BCO1: variants seen among roughly 807,000 people sequenced by gnomAD.
BCO1 encodes the protein beta-carotene oxygenase 1.
A neutral mutation model predicts 56.3 loss-of-function variants in BCO1; 54 were observed. The ratio of observed to expected loss-of-function variants is 0.96; its 90% CI spans 0.77 to 1.20. The LOEUF is 1.20. BCO1 is among the 50% of genes most tolerant of loss of function. BCO1 has a pLI of 0.00. For synonymous variants in BCO1, 318 were observed against 266.1 expected, an observed-to-expected ratio of 1.20 and a Z score of -1.90; for missense variants, 801 against 690.9, an observed-to-expected ratio of 1.16 and a Z score of -1.79.
intron 7 of BCO1, among the ~76,000 whole-genome samples, chr16:81,275,879 C>T (rs60722896): frequency 0.028 from 4,168 of 149,186 alleles, 181 homozygotes; most frequent in East Asian, 0.19. Flanking sequence ...TTACGCAGGG[C>T]GGTGTGGGGG....
chr16:81,273,570 G>A (rs1907370206), intron 7 of BCO1, among the ~76,000 whole-genome samples: 1 of 151,962 alleles, frequency 6.6e-6, no homozygotes, highest in African/African-American at 2.4e-5. Flanking sequence ...TCCCACCCAT[G>A]GCCATTTGTG....
rs185903841 is a variant in BCO1 at position 81,282,535 on chromosome 16, A to C, written c.1207+1573A>C. Among the ~76,000 whole-genome samples the C allele has an allele frequency of 3.1e-3, 467 of 152,272 alleles. 4 individuals carry two copies. Among genetic ancestry groups the C allele is most frequent in the Middle Eastern group, 6.8e-3 (2 of 294 alleles). On this transcript the variant is annotated intron_variant, in intron 8 of 10. Transcript: ENST00000258168. The stretch of plus-strand genomic sequence containing the variant: ...ATTTGACCTAAGAATCCACTTCTGT[A>C]AAAGGCATCCCATGCATCCCATAAC...
chr16:81,239,475 G>T (rs761208264), intron 1 of BCO1, among the ~76,000 whole-genome samples: 1 of 152,114 alleles, frequency 6.6e-6, no homozygotes, highest in Non-Finnish European at 1.5e-5. Flanking sequence ...GTTTGCAAAG[G>T]GAGGAGAGTC....
chr16:81,258,112 TC>T (rs1313837827), intron 2 of BCO1, among the ~76,000 whole-genome samples: 1 of 151,968 alleles, frequency 6.6e-6, no homozygotes, highest in African/African-American at 2.4e-5. Context: ...GGAACAGACC[TC>T]CCCTGGAGCC....
chr16:81,250,550 G>A (rs1476262623), intron 2 of BCO1, among the ~76,000 whole-genome samples: 1 of 150,600 alleles, frequency 6.6e-6, no homozygotes, highest in African/African-American at 2.5e-5. Flanking sequence ...CTCAAAAAGT[G>A]GTTTGTGTGC....
chr16:81,263,008 C>G (rs182551479), intron 4 of BCO1: 34 of 152,954 alleles, frequency 2.2e-4, no homozygotes, highest in African/African-American at 7.9e-4. Flanking sequence ...CGGTTGCCGG[C>G]AACCCCTGGT....
intron 7 of BCO1, among the ~76,000 whole-genome samples, chr16:81,270,686 C>CTG (rs762227797): frequency 1.7e-4 from 5 of 29,566 alleles, no homozygotes; most frequent in Admixed American, 1.1e-3. Context: ...GTCTCTCTCT[C>CTG]TGTGTCTGTG....
Position 81,267,581 on chromosome 16 carries a change from C to G in BCO1, c.620-327C>G, listed in dbSNP as rs868441573. 1.3e-4 allele frequency among the ~76,000 whole-genome samples: 20 copies of G among 152,286 alleles called. 1 individual carries two copies. The Middle Eastern group carries it at 0.014, about 104-fold the overall frequency. On this transcript the variant is annotated intron_variant, in intron 5 of 10. Coordinates refer to ENST00000258168, the MANE Select transcript of BCO1 (RefSeq NM_017429.3). ...TGGGCTGAGATCGTGCCCCTACATT[C>G]CAGTCTGGGCAGCAGAGGGAGACTC...
In BCO1 at chr16:81,270,416, G is replaced by A. The variant is rs1907122068; in HGVS notation, c.1101G>A (p.Lys367=). ...TTGCCGTGCCCCTCCACGTGGACAA[G>A]GTAATGGCTTCCAAGGAGGTCCCTT... ...RRFAVPLHVD[K]NAEVGTNLIK... is the part of the protein sequence containing the mutation. Residue 367 remains lysine, a splice_region_variant and synonymous_variant, in exon 7 of 11, where the codon AAG becomes AAA. Coordinates refer to ENST00000258168, the MANE Select transcript of BCO1 (RefSeq NM_017429.3). The A allele has an allele frequency of 6.2e-7, 1 of 1,614,040 alleles. No homozygotes were observed. Among genetic ancestry groups the A allele is most frequent in the Non-Finnish European group, 8.5e-7 (1 of 1,180,008 alleles).
At chr16:81,271,972 C>G (rs1189078277) in intron 7 of BCO1, among the ~76,000 whole-genome samples, 1 of 152,110 alleles carries the variant, frequency 6.6e-6, no homozygotes, top group Non-Finnish European at 1.5e-5. Flanking sequence ...GTCTTGAACT[C>G]CTGAACTCAG....
In BCO1 at chr16:81,270,190, G is replaced by A. The variant is rs1271451898; in HGVS notation, c.875G>A (p.Arg292Lys). 1.9e-6 allele frequency: 3 copies of A among 1,614,034 alleles called. No individual in the cohort carries two copies. Among genetic ancestry groups the A allele is most frequent in the African/African-American group, 2.7e-5 (2 of 74,908 alleles). ...ATCCACATCATCGACCAAAGGACCAGGCAGCCTGTGCAGACCAAGTTTTAC... is the reference window on the plus strand; with the variant it reads ...ATCCACATCATCGACCAAAGGACCAAGCAGCCTGTGCAGACCAAGTTTTAC... ...TYIHIIDQRT[R>K]QPVQTKFYTD... The change falls in exon 7 of 11, where the codon AGG (arginine) becomes AAG (lysine). Residue 292 changes from arginine to lysine, a missense_variant. By Grantham distance (26) the Arg-to-Lys change is conservative. Coordinates refer to ENST00000258168, the MANE Select transcript of BCO1 (RefSeq NM_017429.3).
chr16:81,270,123 G>A (rs752605410), intron 6 of BCO1, 36 bp from the exon 7 acceptor site: 14 of 1,613,422 alleles, frequency 8.7e-6, no homozygotes, highest in Admixed American at 1.7e-5. Flanking sequence ...GGCTGAGAGA[G>A]GGTGAGCTGA....
At chr16:81,253,886 C>T (rs1489676095) in intron 2 of BCO1, among the ~76,000 whole-genome samples, 1 of 152,078 alleles carries the variant, frequency 6.6e-6, no homozygotes, top group Non-Finnish European at 1.5e-5. Flanking sequence ...TCACTCGAGC[C>T]TGGGAGATTG....
chr16:81,290,509 A>G lies in BCO1; in HGVS notation c.1576A>G (p.Lys526Glu), dbSNP rs755252628. ...LFITDMDWDTKKQAASEEQRD... is the reference protein window; with the variant it reads ...LFITDMDWDTEKQAASEEQRD... ...CATTACAGACATGGACTGGGACACA[A>G]AAAAGCAGGCCGCTTCTGAGGAACA... Residue 526 changes from lysine (K) to glutamate (E), a missense_variant, in exon 11 of 11, where the codon AAA (lysine) becomes GAA (glutamate). Physicochemically the swap from Lys to Glu is moderately conservative, Grantham distance 56. Transcript: ENST00000258168. 19 of 1,614,076 alleles carry G rather than the reference A, an allele frequency of 1.2e-5. No individual in the cohort carries two copies. Among genetic ancestry groups the G allele is most frequent in the Admixed American group, 8.3e-5 (5 of 60,000 alleles).
chr16:81,284,308 A>G (rs1409654003), intron 8 of BCO1, among the ~76,000 whole-genome samples: 1 of 147,658 alleles, frequency 6.8e-6, no homozygotes, highest in Non-Finnish European at 1.5e-5. Flanking sequence ...ATACACACAC[A>G]TTTACAGAGA....
intron 7 of BCO1, among the ~76,000 whole-genome samples, chr16:81,271,925 T>A (rs905465194): frequency 6.6e-6 from 1 of 151,936 alleles, no homozygotes. Context: ...TTTTGTATTT[T>A]TAGTAGAGGT....
intron 8 of BCO1, among the ~76,000 whole-genome samples, chr16:81,284,681 T>C (rs915156039): frequency 6.6e-5 from 10 of 152,128 alleles, no homozygotes; most frequent in Non-Finnish European, 1.5e-4. Context: ...ATGGGGTTCT[T>C]GCCATGTTGA....
intron 2 of BCO1, among the ~76,000 whole-genome samples, chr16:81,255,256 G>A (rs1385254853): frequency 6.6e-6 from 1 of 152,102 alleles, no homozygotes; most frequent in Non-Finnish European, 1.5e-5. Context: ...TTGGTTAAGA[G>A]GGCCAGCTTT....
Position 81,267,984 on chromosome 16 carries a change from C to G in BCO1, c.696C>G (p.Ser232=), listed in dbSNP as rs775962662. 1 of 1,613,894 alleles carries G rather than the reference C, an allele frequency of 6.2e-7. No individual in the cohort carries two copies. Among genetic ancestry groups the G allele is most frequent in the Non-Finnish European group, 8.5e-7 (1 of 1,180,024 alleles). Residue 232 remains serine (S), a synonymous_variant, in exon 6 of 11, where the codon TCC becomes TCG. Coordinates refer to ENST00000258168, the MANE Select transcript of BCO1 (RefSeq NM_017429.3). ...CCATCCCATCCCGCTCCCTGCTCTC[C>G]CCAAGCTACTACCACAGCTTTGGAG... The part of the protein sequence containing the change: ...FCSIPSRSLL[S]PSYYHSFGVT...
Sources: allele counts gnomAD v4.1 joint callset (sites outside exome capture counted in the v4.1 genomes callset), GRCh38; gene constraint gnomAD v4.1.1; transcripts MANE v1.5; gene names NCBI Gene and HGNC (gene_info 2026-07-23, HGNC 2026-07-21).